The following TBC1D9B variants were observed in gnomAD, a reference collection of about 807,000 sequenced individuals.
TBC1D9B encodes TBC1 domain family, member 9B (with GRAM domain).
In TBC1D9B, 87 loss-of-function variants were observed where a neutral mutation model predicts 121.1. That is an observed-to-expected ratio of 0.72 (90% confidence interval 0.60 to 0.86). The LOEUF is 0.86. Among genes scored for constraint, TBC1D9B ranks in the 40% least tolerant of loss-of-function variants. The pLI is 0.00. For synonymous variants in TBC1D9B, 668 were observed against 670.1 expected, an observed-to-expected ratio of 1.00 and a Z score of 0.05; for missense variants, 1,540 against 1,628.6, an observed-to-expected ratio of 0.95 and a Z score of 0.94.
At position 179,904,226 on chromosome 5, in the gene TBC1D9B, T is replaced by TTC. The variant is rs1561651324; in HGVS notation, c.229+475_229+476insGA. ...CCATGACCAGTGGAGCTGCCTTTTT[T>TTC]TTTTTTTTTTTTTTTTGAGACGGAA... On this transcript the variant is annotated intron_variant, in intron 2 of 20. Transcript: ENST00000355235. The surrounding 1 kb of genome is among the most constrained non-coding windows in gnomAD (Gnocchi z 4.2). Among the ~76,000 whole-genome samples, 2 of 143,518 alleles carry TTC rather than the reference T, an allele frequency of 1.4e-5. No homozygotes were observed. The highest frequency in any genetic ancestry group is 5.3e-5 in the African/African-American group (2 of 37,598). The allele number at this position is 143,518 out of a possible 152,430, so 94.2% of individuals were successfully genotyped here. A position where few individuals can be genotyped will look rare whatever the true frequency, so the allele number is the denominator to read the frequency against.
In TBC1D9B at chr5:179,865,273, T is replaced by C. The variant is rs1462071128; in HGVS notation, c.3002A>G (p.Asp1001Gly). The C allele has an allele frequency of 1.2e-6, 2 of 1,614,168 alleles. No homozygotes were observed. The highest frequency in any genetic ancestry group is 1.7e-5 in the Admixed American group (1 of 60,024). The part of the protein sequence containing the change: ...EKEAQKETIK[D>G]LPKMNQEQFI... ...GCCTACCTGGTTCATCTTGGGAAGA[T>C]CCTTAATCGTCTCCTTCTGAGCCTC... Residue 1001 changes from aspartate to glycine, a missense_variant, in exon 20 of 21, where the codon GAT becomes GGT. By Grantham distance (94) the Asp-to-Gly change is moderately conservative (BLOSUM62 -1). Coordinates refer to ENST00000355235, the MANE Select transcript of TBC1D9B (RefSeq NM_015043.4). This position sits in a 1 kb window ranked among gnomAD's most constrained non-coding sequence, Gnocchi z 5.1.
intron 3 of TBC1D9B, 73 bp downstream of exon 3, chr5:179,899,116 T>A: frequency 7.9e-7 from 1 of 1,269,996 alleles, no homozygotes; most frequent in Non-Finnish European, 1.1e-6. Flanking sequence ...ATCGTGAAGA[T>A]GAAATAGGAT....
chr5:179,879,239 A>G (rs753587585), intron 8 of TBC1D9B, 42 bp from the exon 9 acceptor site: 42 of 1,579,024 alleles, frequency 2.7e-5, no homozygotes, highest in Non-Finnish European at 1.7e-6. Context: ...GCCGAAGCGC[A>G]TCTGAGTGCC....
rs537026289 is a variant in TBC1D9B, at chr5:179,875,382, G to A, written c.1901-195C>T. 4.6e-5 allele frequency among the ~76,000 whole-genome samples: 7 copies of A among 152,302 alleles called. No individual in the cohort carries two copies. In the South Asian group the frequency reaches 1.0e-3, roughly 23 times the overall value. ...CTCTACAGCTCCCAAACCACTGGGC[G>A]AAATAACTATTTCTTCTACTACACT... is the stretch of plus-strand genomic sequence containing the variant. On this transcript the variant is annotated intron_variant, in intron 11 of 20. Coordinates refer to ENST00000355235, the MANE Select transcript of TBC1D9B (RefSeq NM_015043.4). This position sits in a 1 kb window ranked among gnomAD's most constrained non-coding sequence, Gnocchi z 4.5.
In TBC1D9B at chr5:179,870,482, G is replaced by C. The variant is rs1760158993; in HGVS notation, c.2498C>G (p.Ala833Gly). The change falls in exon 16 of 21, where the codon GCT (alanine) becomes GGT (glycine). Residue 833 changes from alanine (A) to glycine (G), a missense_variant. By Grantham distance (60) the Ala-to-Gly change is moderately conservative (BLOSUM62 0). Coordinates refer to ENST00000355235, the MANE Select transcript of TBC1D9B (RefSeq NM_015043.4). ...GCGGCTGCACCCCCAGTACTGGCTA[G>C]CCAGGTGCTTGGCCTGTGGGACACG... ...LYMVFKAKHL[A>G]SQYWGCSRTM... 6.2e-7 allele frequency: 1 copy of C among 1,609,530 alleles called. No homozygotes were observed. Among genetic ancestry groups the C allele is most frequent in the East Asian group, 2.2e-5 (1 of 44,856 alleles).
rs371809955 is a variant in TBC1D9B, at chr5:179,865,658, G to A, written c.2914+180C>T. Reference sequence around the variant, plus strand: ...GCAAGAGAGGGCTGGCTGGGTGCCCGTGGGGCTGGTGGAGAGCGTGGAGCC... The same window carrying A: ...GCAAGAGAGGGCTGGCTGGGTGCCCATGGGGCTGGTGGAGAGCGTGGAGCC... On this transcript the variant is annotated intron_variant, in intron 19 of 20. Transcript: ENST00000355235. The surrounding 1 kb of genome is among the most constrained non-coding windows in gnomAD (Gnocchi z 5.1). 20 of 704,008 alleles carry A rather than the reference G, an allele frequency of 2.8e-5. No homozygotes were observed. Among genetic ancestry groups the A allele is most frequent in the East Asian group, 1.9e-4 (7 of 37,686 alleles). The allele number at this position is 704,008 out of a possible 1,614,324, so 43.6% of individuals were successfully genotyped here.
chr5:179,903,878 G>C (rs1761229434), intron 2 of TBC1D9B, among the ~76,000 whole-genome samples: 1 of 152,192 alleles, frequency 6.6e-6, no homozygotes, highest in South Asian at 2.1e-4. Flanking sequence ...CAGTATGAGA[G>C]CTGAATCAAG....
At chr5:179,897,202 T>C (rs1761046148) in intron 3 of TBC1D9B, among the ~76,000 whole-genome samples, 1 of 152,176 alleles carries the variant, frequency 6.6e-6, no homozygotes, top group Non-Finnish European at 1.5e-5. Flanking sequence ...CCACTGCGCC[T>C]GGCCCATCCT....
chr5:179,896,513 G>A lies in TBC1D9B; in HGVS notation c.349-1899C>T, dbSNP rs139184107. On this transcript the variant is annotated intron_variant, in intron 3 of 20. Transcript: ENST00000355235. ...TTAATAAATGTTATTCTAATAAAGT[G>A]CCCATTTTGTCTAAATTCTTTTTTT... Among the ~76,000 whole-genome samples, 771 of 152,192 alleles carry A rather than the reference G, an allele frequency of 5.1e-3. 5 individuals carry two copies. Among genetic ancestry groups the A allele is most frequent in the African/African-American group, 0.018 (734 of 41,522 alleles).
At position 179,865,308 on chromosome 5, in the gene TBC1D9B, G is replaced by C. The variant is rs1270716056; in HGVS notation, c.2967C>G (p.Ala989=). 2.5e-6 allele frequency: 4 copies of C among 1,614,062 alleles called. No individual in the cohort carries two copies. Among genetic ancestry groups the C allele is most frequent in the Non-Finnish European group, 3.4e-6 (4 of 1,180,038 alleles). ...TCTCCTTCTGAGCCTCTTTCTCCTT[G>C]GCCCACATTCGAAGGTAGTGCCGAT... ...PDYRHYLRMW[A]KEKEAQKETI... is the part of the protein sequence containing the mutation. Residue 989 remains alanine (A), a synonymous_variant, in exon 20 of 21, where the codon GCC becomes GCG. Transcript: ENST00000355235. This position sits in a 1 kb window ranked among gnomAD's most constrained non-coding sequence, Gnocchi z 5.1.
intron 7 of TBC1D9B, among the ~76,000 whole-genome samples, chr5:179,887,025 T>C (rs1752815669): frequency 6.6e-6 from 1 of 152,158 alleles, no homozygotes; most frequent in South Asian, 2.1e-4. Flanking sequence ...ACCAAAAAAC[T>C]CACTGGTCAC....
chr5:179,901,386 G>A lies in TBC1D9B; in HGVS notation c.230-2079C>T, dbSNP rs184607661. Among the ~76,000 whole-genome samples, 39 of 152,304 alleles carry A rather than the reference G, an allele frequency of 2.6e-4. No individual in the cohort carries two copies. The South Asian group carries it at 7.5e-3, about 29-fold the overall frequency. ...TTTGGAAGTCAAATTTACATGTGGTGCAACTCTACTGTATTATTTTCTGTT... is the reference window on the plus strand; with the variant it reads ...TTTGGAAGTCAAATTTACATGTGGTACAACTCTACTGTATTATTTTCTGTT... On this transcript the variant is annotated intron_variant, in intron 2 of 20. Transcript: ENST00000355235.
chr5:179,864,103 G>A lies in TBC1D9B; in HGVS notation c.3047C>T (p.Thr1016Met), dbSNP rs773516159. The A allele has an allele frequency of 8.7e-6, 14 of 1,609,636 alleles. No individual in the cohort carries two copies. Among genetic ancestry groups the A allele is most frequent in the East Asian group, 2.2e-5 (1 of 44,778 alleles). Residue 1016 changes from threonine to methionine, a missense_variant, in exon 21 of 21, where the codon ACG (threonine) becomes ATG (methionine). Transcript: ENST00000355235. ...NQEQFIELCKTLYNMFSEDPM... is the reference protein window; with the variant it reads ...NQEQFIELCKMLYNMFSEDPM... ...GTCTTCACTGAACATGTTGTAAAGC[G>A]TCTTGCACAGCTCAATGAACTGCTC...
At chr5:179,872,870 C>T (rs1760244602) in intron 14 of TBC1D9B, 22 bp downstream of exon 14, 2 of 1,609,278 alleles carry the variant, frequency 1.2e-6, no homozygotes, top group Non-Finnish European at 1.7e-6. Flanking sequence ...CAGCCCCTGC[C>T]CAGCCCTGCT....
chr5:179,873,272 T>C (rs1341106815), intron 12 of TBC1D9B, 24 bp from the exon 13 acceptor site: 1 of 1,566,324 alleles, frequency 6.4e-7, no homozygotes, highest in Non-Finnish European at 8.6e-7. Context: ...AGGACAACAG[T>C]CCAGACCACG....
chr5:179,873,300 T>A (rs1270198850), intron 12 of TBC1D9B, 52 bp from the exon 13 acceptor site: 4 of 1,511,926 alleles, frequency 2.6e-6, no homozygotes, highest in Non-Finnish European at 2.7e-6. Flanking sequence ...AGAGGGAGCC[T>A]CCTTCCCACA....
At chr5:179,864,594 G>T (rs538597341) in intron 20 of TBC1D9B, among the ~76,000 whole-genome samples, 5 of 152,110 alleles carry the variant, frequency 3.3e-5, no homozygotes, top group South Asian at 2.1e-4. Context: ...CCTGGGGAGG[G>T]GGGTGCTGGG....
rs529573933 is a variant in TBC1D9B at position 179,904,410 on chromosome 5, A to G, written c.229+292T>C. On this transcript the variant is annotated intron_variant, in intron 2 of 20. Coordinates refer to ENST00000355235, the MANE Select transcript of TBC1D9B (RefSeq NM_015043.4). The surrounding 1 kb of genome is among the most constrained non-coding windows in gnomAD (Gnocchi z 4.2). ...CAGCTAATTTTTTGTGTTTTTTAGT[A>G]GAGACGTGGTTTCACCGTGTTAGCC... Among the ~76,000 whole-genome samples the G allele has an allele frequency of 1.3e-5, 2 of 151,868 alleles. No homozygotes were observed. The highest frequency in any genetic ancestry group is 1.3e-4 in the Admixed American group (2 of 15,272).
intron 16 of TBC1D9B, 28 bp downstream of exon 16, chr5:179,870,227 G>A (rs1760146266): frequency 1.2e-6 from 2 of 1,611,742 alleles, no homozygotes; most frequent in South Asian, 2.2e-5. Context: ...GGAGGGTCAA[G>A]CCCCTGGTAG....
Sources: allele counts gnomAD v4.1 joint callset (sites outside exome capture counted in the v4.1 genomes callset), GRCh38; gene constraint gnomAD v4.1.1; non-coding constraint Gnocchi (gnomAD v3.1); transcripts MANE v1.5; gene names NCBI Gene and HGNC (gene_info 2026-07-23, HGNC 2026-07-21).